MBP: variants seen among roughly 807,000 people sequenced by gnomAD.
The protein encoded by MBP is myelin basic protein.
Under a neutral mutation model 35.8 loss-of-function variants are expected in MBP, and 16 were observed. That is an observed-to-expected ratio of 0.45 (90% CI 0.30 to 0.68). The LOEUF (loss-of-function observed/expected upper bound fraction) is 0.68, where lower values mean the gene tolerates loss of function less well. Among genes scored for constraint, MBP ranks in the 30% least tolerant of loss-of-function variants. The pLI is 0.08. For missense variants in MBP, 380 were observed against 404.7 expected (o/e 0.94, Z 0.52); for synonymous variants, 143 against 159.6 (o/e 0.90, Z 0.78).
chr18:77,067,912 CTGTT>C, intron 2 of MBP: 1 of 465,164 alleles, frequency 2.1e-6, no homozygotes, highest in Non-Finnish European at 4.3e-6. Context: ...GTACTGCAGG[CTGTT>C]TGTTCCTGGA....
At chr18:77,029,331 G>GA (rs1972439521) in intron 3 of MBP, among the ~76,000 whole-genome samples, 1 of 148,616 alleles carries the variant, frequency 6.7e-6, no homozygotes, top group South Asian at 2.2e-4. Context: ...GAATCAGGCA[G>GA]GGGGGTTGCA....
intron 1 of MBP, among the ~76,000 whole-genome samples, chr18:77,119,940 C>T (rs972413376): frequency 4.6e-5 from 7 of 152,166 alleles, no homozygotes; most frequent in African/African-American, 1.7e-4. Context: ...ACGGGAGAGG[C>T]CTGGGCGCAG....
At chr18:77,123,490 T>C (rs1976950217) in intron 1 of MBP, among the ~76,000 whole-genome samples, 1 of 152,242 alleles carries the variant, frequency 6.6e-6, no homozygotes, top group Non-Finnish European at 1.5e-5. Flanking sequence ...TCAGATGAGC[T>C]GTGTCGACCT....
intron 3 of MBP, among the ~76,000 whole-genome samples, chr18:77,063,012 G>C (rs1482676398): frequency 6.6e-6 from 1 of 152,174 alleles, no homozygotes; most frequent in Non-Finnish European, 1.5e-5. Context: ...ACGGTGACTT[G>C]TGCTCACGGG....
intron 3 of MBP, among the ~76,000 whole-genome samples, chr18:77,038,954 G>A (rs984187969): frequency 7.2e-5 from 11 of 152,190 alleles, no homozygotes; most frequent in African/African-American, 2.7e-4. Flanking sequence ...ATGCCTCGGG[G>A]CCAAATCTGG....
In MBP at chr18:77,116,511, C is replaced by T. The variant is rs1043168599; in HGVS notation, c.-25-11225G>A. 3.3e-5 allele frequency among the ~76,000 whole-genome samples: 5 copies of T among 152,312 alleles called. 1 individual carries two copies. The highest frequency in any genetic ancestry group is 6.8e-3 in the Middle Eastern group (2 of 294). The stretch of plus-strand genomic sequence containing the variant: ...TGGAGAGCAGCCAGCATCGACGGGG[C>T]GCTTACTATGGGCTAGGTGCTCATG... On this transcript the variant is annotated intron_variant, in intron 1 of 8. Coordinates refer to ENST00000355994, the MANE Select transcript of MBP (RefSeq NM_001025101.2).
intron 1 of MBP, among the ~76,000 whole-genome samples, chr18:77,112,260 G>T (rs1051277500): frequency 6.6e-6 from 1 of 152,148 alleles, no homozygotes; most frequent in Non-Finnish European, 1.5e-5. Flanking sequence ...AGACGCGTTT[G>T]GTTTCACCCA....
At chr18:77,007,111 TC>T (rs1461847269) in intron 4 of MBP, among the ~76,000 whole-genome samples, 24 of 152,238 alleles carry the variant, frequency 1.6e-4, no homozygotes, top group African/African-American at 5.5e-4. Context: ...GGAGCTGACT[TC>T]AAGGGTCCTT....
intron 2 of MBP, among the ~76,000 whole-genome samples, chr18:77,097,983 T>C (rs1975833384): frequency 6.6e-6 from 1 of 152,144 alleles, no homozygotes; most frequent in South Asian, 2.1e-4. Context: ...AGGACACCCC[T>C]GTCTCTCCCT....
In MBP at chr18:76,988,928, G is replaced by A; in HGVS notation, c.682-16C>T. The A allele has an allele frequency of 6.2e-7, 1 of 1,613,932 alleles. No homozygotes were observed. The highest frequency in any genetic ancestry group is 1.1e-5 in the South Asian group (1 of 91,074). Reference sequence around the variant, plus strand: ...GAGGCGTCACCTGGAAAGACACAGAGAACCGTGGGCTGCACTGGGAGCCCT... The same window carrying A: ...GAGGCGTCACCTGGAAAGACACAGAAAACCGTGGGCTGCACTGGGAGCCCT... On this transcript the variant is annotated splice_polypyrimidine_tract_variant and intron_variant, in intron 5 of 8. Coordinates refer to ENST00000355994, the MANE Select transcript of MBP (RefSeq NM_001025101.2). The surrounding 1 kb of genome is among the most constrained non-coding windows in gnomAD (Gnocchi z 5.2).
At chr18:77,013,308 C>A in intron 4 of MBP, 1 of 985,286 alleles carries the variant, frequency 1.0e-6, no homozygotes, top group Non-Finnish European at 1.2e-6. Context: ...GCACACTGGG[C>A]TCTGGGGAGG....
rs780881071 is a variant in MBP, at chr18:77,057,824, G to GTTTTTTT, written c.139+8467_139+8473dup. Among the ~76,000 whole-genome samples, 14 of 9,200 alleles carry GTTTTTTT rather than the reference G, an allele frequency of 1.5e-3. 6 individuals are homozygous for GTTTTTTT. The highest frequency in any genetic ancestry group is 8.3e-3 in the African/African-American group (10 of 1,210). The allele number at this position is 9,200 out of a possible 152,430, so 6.0% of individuals were successfully genotyped here. A position where few individuals can be genotyped will look rare whatever the true frequency, so the allele number is the denominator to read the frequency against. ...GGGACACCTGAGGAAGGCGGGGAGT[G>GTTTTTTT]TTTTTTTTTTTTTTTTTTTTGAGAC... On this transcript the variant is annotated intron_variant, in intron 3 of 8. Transcript: ENST00000355994.
At chr18:77,111,538 A>C (rs1005406942) in intron 1 of MBP, among the ~76,000 whole-genome samples, 1 of 152,238 alleles carries the variant, frequency 6.6e-6, no homozygotes, top group Admixed American at 6.5e-5. Flanking sequence ...GGAGACCCCC[A>C]CGGGAGGGCC....
intron 2 of MBP, among the ~76,000 whole-genome samples, chr18:77,074,358 G>T (rs749311544): frequency 4.0e-5 from 6 of 151,834 alleles, no homozygotes; most frequent in African/African-American, 4.8e-5. Context: ...AGGGGGTTCA[G>T]TGAGCCTGGG....
rs549124822 is a variant in MBP, at chr18:77,078,475, A to G, written c.52-12090T>C. On this transcript the variant is annotated intron_variant, in intron 2 of 8. Transcript: ENST00000355994. Reference sequence around the variant, plus strand: ...ACTTCTGGAGAAGGGAGTAGAAAGAAGGTTCATGTCAAAAACTGCTCATCA... The same window carrying G: ...ACTTCTGGAGAAGGGAGTAGAAAGAGGGTTCATGTCAAAAACTGCTCATCA... Among the ~76,000 whole-genome samples the G allele has an allele frequency of 1.6e-4, 24 of 152,338 alleles. No homozygotes were observed. In the East Asian group the frequency reaches 4.1e-3, roughly 26 times the overall value.
rs925894028 is a variant in MBP at position 76,989,853 on chromosome 18, G to C, written c.681+103C>G. ...CGGCCTCACCCTGATGATGACCCCG[G>C]TGCCACCCCCGAGCGTACGAACGTC... On this transcript the variant is annotated intron_variant, in intron 5 of 8. Transcript: ENST00000355994. This position sits in a 1 kb window ranked among gnomAD's most constrained non-coding sequence, Gnocchi z 4.0. 6.9e-5 allele frequency: 69 copies of C among 998,156 alleles called. No individual in the cohort carries two copies. Among genetic ancestry groups the C allele is most frequent in the Non-Finnish European group, 9.0e-5 (58 of 642,816 alleles). 61.8% of individuals were successfully genotyped at this position (998,156 alleles called of 1,614,324 possible).
intron 2 of MBP, among the ~76,000 whole-genome samples, chr18:77,069,359 T>G (rs1354324835): frequency 6.6e-6 from 1 of 152,234 alleles, no homozygotes; most frequent in Non-Finnish European, 1.5e-5. Flanking sequence ...ATGTCATATT[T>G]TTTTACATCC....
At chr18:77,111,037 T>G (rs1334561410) in intron 1 of MBP, among the ~76,000 whole-genome samples, 1 of 152,148 alleles carries the variant, frequency 6.6e-6, no homozygotes, top group Non-Finnish European at 1.5e-5. Context: ...CTGTATTGCC[T>G]CGTGGCTGCT....
chr18:76,980,145 C>G lies in MBP; in HGVS notation c.*282G>C. ...GAGGGACGTCTGTGCACCTGGCCCC[C>G]TGAAGACCCACGTGCGTCTGGGGGC... On this transcript the variant is annotated 3_prime_UTR_variant, in exon 9 of 9. Transcript: ENST00000355994. 1.5e-6 allele frequency: 1 copy of G among 654,842 alleles called. No individual in the cohort carries two copies. The highest frequency in any genetic ancestry group is 2.7e-6 in the Non-Finnish European group (1 of 364,620). The allele number at this position is 654,842 out of a possible 1,614,324, so 40.6% of individuals were successfully genotyped here.
Sources: gnomAD v4.1 joint callset for allele counts (sites outside exome capture counted in the v4.1 genomes callset) on GRCh38, gnomAD v4.1.1 for gene constraint, Gnocchi (gnomAD v3.1) non-coding constraint, MANE v1.5 for transcripts, NCBI Gene and HGNC (gene_info 2026-07-23, HGNC 2026-07-21) for gene names.